Variants in MBNL1 observed in about 807,000 individuals in gnomAD.
MBNL1 encodes the protein muscleblind-like protein 1.
MBNL1 carries 8 observed loss-of-function variants against 42.2 expected under a neutral mutation model. That is an observed-to-expected ratio of 0.19 (90% CI 0.11 to 0.34). The LOEUF (loss-of-function observed/expected upper bound fraction) is 0.34, where lower values mean the gene tolerates loss of function less well. Among genes scored for constraint, MBNL1 ranks in the 10% least tolerant of loss-of-function variants. The pLI is 1.00. For synonymous variants in MBNL1, 169 were observed against 173.9 expected, an observed-to-expected ratio of 0.97 and a Z score of 0.22; for missense variants, 309 against 495.3, an observed-to-expected ratio of 0.62 and a Z score of 3.57.
intron 2 of MBNL1, among the ~76,000 whole-genome samples, chr3:152,399,673 T>C (rs1019064653): frequency 6.6e-6 from 1 of 152,092 alleles, no homozygotes; most frequent in Non-Finnish European, 1.5e-5. Flanking sequence ...CTATTTTTTT[T>C]CTATATTTTT....
intron 2 of MBNL1, among the ~76,000 whole-genome samples, chr3:152,312,040 A>C (rs919791748): frequency 2.0e-5 from 3 of 151,870 alleles, no homozygotes; most frequent in Admixed American, 1.3e-4. Flanking sequence ...AAATACAAAA[A>C]AATTAGCCGG....
At chr3:152,317,935 C>G (rs564608529) in intron 2 of MBNL1, among the ~76,000 whole-genome samples, 1 of 152,280 alleles carries the variant, frequency 6.6e-6, no homozygotes, top group African/African-American at 2.4e-5. Flanking sequence ...TTAGCTGCAA[C>G]AAATGAATAG....
chr3:152,461,331 A>G (rs925968890), intron 9 of MBNL1, among the ~76,000 whole-genome samples: 9 of 152,222 alleles, frequency 5.9e-5, no homozygotes, highest in Non-Finnish European at 1.3e-4. Flanking sequence ...CAGTTCTGAT[A>G]AAAAGGTTCA....
chr3:152,451,489 C>T (rs374864631), intron 6 of MBNL1, among the ~76,000 whole-genome samples: 15 of 152,212 alleles, frequency 9.9e-5, no homozygotes, highest in African/African-American at 1.4e-4. Flanking sequence ...TTCATCCCCC[C>T]ATTTATCTAT....
chr3:152,285,928 A>C (rs1298888496), intron 1 of MBNL1, among the ~76,000 whole-genome samples: 4 of 149,196 alleles, frequency 2.7e-5, no homozygotes, highest in Non-Finnish European at 3.0e-5. Context: ...CCATCCTGAA[A>C]CTTTTTTTTT....
chr3:152,402,685 G>A (rs1399960054), intron 2 of MBNL1, among the ~76,000 whole-genome samples: 1 of 152,182 alleles, frequency 6.6e-6, no homozygotes, highest in East Asian at 1.9e-4. Flanking sequence ...GGAGGAAATG[G>A]TAGAAGACTA....
chr3:152,331,185 TACACACACACACATACACACATAC>T (rs2084231362), intron 2 of MBNL1, among the ~76,000 whole-genome samples: 1 of 151,182 alleles, frequency 6.6e-6, no homozygotes, highest in Non-Finnish European at 1.5e-5. Flanking sequence ...CTCCTTCCCC[TACACACACACACATACACACATAC>T]ACACACACAC....
rs1577666816 is a variant in MBNL1, at chr3:152,314,317, A to G, written c.174+13950A>G. On this transcript the variant is annotated intron_variant, in intron 2 of 9. Coordinates refer to ENST00000324210, the MANE Select transcript of MBNL1 (RefSeq NM_021038.5). ...TTTTTTTTTTCCCCCTTTCACTGTC[A>G]CTCAGAATCGATAGGGATCCAATTC... Among the ~76,000 whole-genome samples the G allele has an allele frequency of 2.0e-5, 3 of 148,532 alleles. No homozygotes were observed. The South Asian group carries it at 6.4e-4, about 32-fold the overall frequency.
chr3:152,366,104 T>C (rs1416002797), intron 2 of MBNL1, among the ~76,000 whole-genome samples: 1 of 152,168 alleles, frequency 6.6e-6, no homozygotes, highest in Non-Finnish European at 1.5e-5. Flanking sequence ...AAGAAATTAC[T>C]AACTGCAAAA....
intron 2 of MBNL1, among the ~76,000 whole-genome samples, chr3:152,414,278 A>G (rs969361422): frequency 8.5e-5 from 13 of 152,202 alleles, no homozygotes; most frequent in African/African-American, 2.4e-4. Context: ...TAGATTTTGT[A>G]AAATGGAGAA....
Position 152,300,129 on chromosome 3 carries a change from T to A in MBNL1, c.-65T>A. ...TCAGCTTTTTTTTTTTGGTTGTTGC[T>A]CTTTTTTGGGGGGGTTGGGTTTGTT... On this transcript the variant is annotated 5_prime_UTR_variant, in exon 2 of 10. Coordinates refer to ENST00000324210, the MANE Select transcript of MBNL1 (RefSeq NM_021038.5). 1 of 1,077,576 alleles carries A rather than the reference T, an allele frequency of 9.3e-7. No individual in the cohort carries two copies. Among genetic ancestry groups the A allele is most frequent in the Non-Finnish European group, 1.3e-6 (1 of 759,982 alleles). 66.8% of individuals were successfully genotyped at this position (1,077,576 alleles called of 1,614,324 possible).
In MBNL1 at chr3:152,415,016, C is replaced by T. The variant is rs1173943605; in HGVS notation, c.250C>T (p.Arg84Cys). ...HLKTQLEING[R>C]NNLIQQKNMA... ...AAAAACGCAGTTGGAGATAAATGGA[C>T]GCAATAACTTGATTCAGCAGAAGAA... Residue 84 changes from arginine (R) to cysteine (C), a missense_variant, in exon 3 of 10, where the codon CGC becomes TGC. By Grantham distance (180) the Arg-to-Cys change is radical. Coordinates refer to ENST00000324210, the MANE Select transcript of MBNL1 (RefSeq NM_021038.5). 6 of 1,608,618 alleles carry T rather than the reference C, an allele frequency of 3.7e-6. No homozygotes were observed. The highest frequency in any genetic ancestry group is 5.1e-6 in the Non-Finnish European group (6 of 1,178,402).
At position 152,421,831 on chromosome 3, in the gene MBNL1, G is replaced by A. The variant is rs566721616; in HGVS notation, c.345+6720G>A. 1.4e-4 allele frequency among the ~76,000 whole-genome samples: 22 copies of A among 152,196 alleles called. 1 individual carries two copies. In the South Asian group the frequency reaches 4.4e-3, roughly 30 times the overall value. The stretch of plus-strand genomic sequence containing the variant: ...AGAATTTCATAGCCAGACAAACTAC[G>A]TTTCATAAGTGAAAGAGAAATAAAA... On this transcript the variant is annotated intron_variant, in intron 3 of 9. Transcript: ENST00000324210.
At chr3:152,406,797 T>C in intron 2 of MBNL1, among the ~76,000 whole-genome samples, 1 of 152,268 alleles carries the variant, frequency 6.6e-6, no homozygotes, top group East Asian at 1.9e-4. Context: ...TTCTACAAAA[T>C]AGTGCCTAGA....
Position 152,262,025 on chromosome 3 carries a change from T to C in MBNL1, n.333+17585T>C, listed in dbSNP as rs534786376. Among the ~76,000 whole-genome samples, 3 of 152,270 alleles carry C rather than the reference T, an allele frequency of 2.0e-5. No individual in the cohort carries two copies. The South Asian group carries it at 6.2e-4, about 32-fold the overall frequency. On this transcript the variant is annotated intron_variant and non_coding_transcript_variant, in intron 2 of 2. Transcript: ENST00000477171. Reference sequence around the variant, plus strand: ...TTCATTTGCTACGCTCTTTTCCAACTGTGATTTTTCCCTCACGTCTGTCCC... The same window carrying C: ...TTCATTTGCTACGCTCTTTTCCAACCGTGATTTTTCCCTCACGTCTGTCCC...
At chr3:152,315,436 T>C (rs1199178965) in intron 2 of MBNL1, among the ~76,000 whole-genome samples, 1 of 152,236 alleles carries the variant, frequency 6.6e-6, no homozygotes, top group Non-Finnish European at 1.5e-5. Flanking sequence ...TGTATGTTGG[T>C]GCCCACATTT....
intron 2 of MBNL1, among the ~76,000 whole-genome samples, chr3:152,312,377 G>A (rs964686903): frequency 1.3e-5 from 2 of 152,024 alleles, no homozygotes; most frequent in East Asian, 1.9e-4. Context: ...CTCTTGCCAC[G>A]CATTGTGTTT....
chr3:152,429,810 G>GTGTC (rs554677446), intron 3 of MBNL1, among the ~76,000 whole-genome samples: 22 of 152,154 alleles, frequency 1.4e-4, no homozygotes, highest in South Asian at 6.2e-4. Flanking sequence ...GTGTGTGTGT[G>GTGTC]TGTCTGTCTG....
chr3:152,271,276 T>G (rs966684230), intron 1 of MBNL1, among the ~76,000 whole-genome samples: 1 of 152,304 alleles, frequency 6.6e-6, no homozygotes, highest in East Asian at 1.9e-4. Flanking sequence ...AAACACTGGG[T>G]TTTGTTCCAG....
Sources: gnomAD v4.1 joint callset for allele counts (sites outside exome capture counted in the v4.1 genomes callset) on GRCh38, gnomAD v4.1.1 for gene constraint, MANE v1.5 for transcripts, NCBI Gene and HGNC (gene_info 2026-07-23, HGNC 2026-07-21) for gene names.